The following TLE2 variants were observed in gnomAD, a reference collection of about 807,000 sequenced individuals.
TLE2 encodes the protein TLE family member 2, transcriptional corepressor, also known as transducin-like enhancer protein 2.
Under a neutral mutation model 97.2 loss-of-function variants are expected in TLE2, and 74 were observed. That is an observed-to-expected ratio of 0.76 (90% confidence interval 0.63 to 0.92). The LOEUF is 0.92. Among genes scored for constraint, TLE2 ranks in the 40% least tolerant of loss-of-function variants. The probability of loss-of-function intolerance (pLI) is 0.00; values close to 1 mark genes in which losing one functional copy is unlikely to be tolerated. For synonymous variants in TLE2, 499 were observed against 432.1 expected, an observed-to-expected ratio of 1.15 and a Z score of -1.92; for missense variants, 1,038 against 1,008.7, an observed-to-expected ratio of 1.03 and a Z score of -0.39.
At chr19:3,018,149 C>T (rs2089754987) in intron 7 of TLE2, among the ~76,000 whole-genome samples, 1 of 151,864 alleles carries the variant, frequency 6.6e-6, no homozygotes, top group Non-Finnish European at 1.5e-5. Context: ...TCACACTTTA[C>T]GAGTTGGGGT....
chr19:3,038,312 C>T (rs1469963694), intron 1 of TLE2, among the ~76,000 whole-genome samples: 5 of 152,174 alleles, frequency 3.3e-5, no homozygotes, highest in Admixed American at 3.3e-4. Context: ...GGGCTCAAGC[C>T]GTCTTCCTGC....
intron 1 of TLE2, among the ~76,000 whole-genome samples, chr19:3,038,443 G>A (rs921720623): frequency 6.6e-6 from 1 of 152,210 alleles, no homozygotes. Context: ...CAACTCCTGG[G>A]CTCAAGCAGT....
chr19:3,007,325 A>G (rs1437930597), intron 14 of TLE2, among the ~76,000 whole-genome samples: 1 of 151,664 alleles, frequency 6.6e-6, no homozygotes, highest in African/African-American at 2.4e-5. Context: ...CCTGACTTCA[A>G]ATGATCCTCC....
intron 1 of TLE2, among the ~76,000 whole-genome samples, chr19:3,036,245 G>T (rs773957511): frequency 6.6e-6 from 1 of 152,184 alleles, no homozygotes; most frequent in South Asian, 2.1e-4. Flanking sequence ...AGGAGAGCAC[G>T]GGTTTTCAGA....
intron 19 of TLE2, among the ~76,000 whole-genome samples, chr19:2,998,310 C>T (rs2089270902): frequency 7.0e-6 from 1 of 143,436 alleles, no homozygotes; most frequent in Non-Finnish European, 1.5e-5. Context: ...CAGGGTCTAA[C>T]TCTGTTGCCC....
At chr19:3,012,261 A>AAAAC (rs56656741) in intron 11 of TLE2, among the ~76,000 whole-genome samples, 34,498 of 151,848 alleles carry the variant, frequency 0.23, 3,989 homozygotes, top group Admixed American at 0.25. Flanking sequence ...TCCAAAACGA[A>AAAAC]AAACAAACAA....
intron 9 of TLE2, among the ~76,000 whole-genome samples, chr19:3,015,293 G>A (rs1302322507): frequency 6.6e-6 from 1 of 152,176 alleles, no homozygotes; most frequent in East Asian, 1.9e-4. Flanking sequence ...AATGAGAGGA[G>A]GTCCCAGCCT....
intron 10 of TLE2, 33 bp downstream of exon 10, chr19:3,014,537 G>C (rs1396540237): frequency 2.6e-6 from 4 of 1,547,508 alleles, no homozygotes; most frequent in Admixed American, 1.9e-5. Context: ...TCTGTGCCCA[G>C]AGTCGGGGAA....
intron 1 of TLE2, among the ~76,000 whole-genome samples, chr19:3,040,360 T>A (rs181826798): frequency 6.6e-6 from 1 of 152,082 alleles, no homozygotes; most frequent in Non-Finnish European, 1.5e-5. Flanking sequence ...GTTTTTTTTT[T>A]AAGACAGTCT....
At chr19:3,043,007 CA>C (rs1311391178) in intron 1 of TLE2, among the ~76,000 whole-genome samples, 4 of 152,246 alleles carry the variant, frequency 2.6e-5, no homozygotes, top group Admixed American at 1.3e-4. Flanking sequence ...TTTTTAGAGA[CA>C]GGGGTCTCAC....
In TLE2 at chr19:3,028,301, C is replaced by G. The variant is rs372061979; in HGVS notation, c.186+18G>C. 18 of 1,602,308 alleles carry G rather than the reference C, an allele frequency of 1.1e-5. No individual in the cohort carries two copies. The African/African-American group carries it at 2.3e-4, about 20-fold the overall frequency. ...CTGCCCGCCTCTCCCCTCACCCTGG[C>G]ATCATAAGTGCCCTCACCATGACAT... is the stretch of plus-strand genomic sequence containing the variant. On this transcript the variant is annotated intron_variant, in intron 3 of 19. Transcript: ENST00000262953.
intron 18 of TLE2, 52 bp downstream of exon 18, chr19:3,002,301 C>T (rs1251090888): frequency 2.9e-5 from 45 of 1,556,124 alleles, no homozygotes; most frequent in Non-Finnish European, 3.7e-5. Flanking sequence ...AATAGGCACC[C>T]TGGGTTTTGT....
intron 1 of TLE2, among the ~76,000 whole-genome samples, chr19:3,044,687 T>C (rs970271034): frequency 6.6e-6 from 1 of 152,168 alleles, no homozygotes; most frequent in Non-Finnish European, 1.5e-5. Context: ...CCCGAAGCGC[T>C]GGGATTACAG....
intron 18 of TLE2, among the ~76,000 whole-genome samples, chr19:3,001,550 A>G (rs2089359175): frequency 6.6e-6 from 1 of 152,026 alleles, no homozygotes; most frequent in Non-Finnish European, 1.5e-5. Flanking sequence ...CAGTGATGTC[A>G]TCATAGCTCC....
At chr19:3,015,827 C>G (rs1247322024) in intron 8 of TLE2, 67 bp from the exon 9 acceptor site, 1 of 1,190,008 alleles carries the variant, frequency 8.4e-7, no homozygotes, top group Admixed American at 2.0e-5. Context: ...GCATTGTGAT[C>G]CAGCCGAGAC....
At chr19:3,030,123 G>A (rs1258320316), upstream of TLE2, among the ~76,000 whole-genome samples, 2 of 152,106 alleles carry the variant, frequency 1.3e-5, no homozygotes, top group East Asian at 1.9e-4. Context: ...ATGAGATAGT[G>A]CATGAACGCT....
At position 3,037,371 on chromosome 19, in the gene TLE2, C is replaced by T. The variant is rs1688115; in HGVS notation, c.63+8355G>A. Among the ~76,000 whole-genome samples the T allele has an allele frequency of 5.2e-3, 793 of 152,306 alleles. 6 individuals are homozygous for T. The highest frequency in any genetic ancestry group is 0.018 in the African/African-American group (736 of 41,558). ...GTTTTGCAGAATGCATAGGAGTTGC[C>T]TCATTTGAGCAGTGCCTTTAGATTA... On this transcript the variant is annotated intron_variant, in intron 1 of 18. Transcript: ENST00000426948.
intron 14 of TLE2, 137 bp downstream of exon 14, chr19:3,008,732 T>G: frequency 1.8e-6 from 1 of 564,994 alleles, no homozygotes; most frequent in Non-Finnish European, 2.8e-6. Flanking sequence ...ATTACAGGAG[T>G]GAACCACTGT....
Position 3,028,386 on chromosome 19 carries a change from A to G in TLE2, c.123-4T>C. 6.2e-7 allele frequency: 1 copy of G among 1,600,684 alleles called. No individual in the cohort carries two copies. The highest frequency in any genetic ancestry group is 8.5e-7 in the Non-Finnish European group (1 of 1,173,040). On this transcript the variant is annotated splice_region_variant and splice_polypyrimidine_tract_variant and intron_variant, in intron 2 of 19. Transcript: ENST00000262953. ...CTTCTCACATTCTAGCTTGAGGCTG[A>G]GAAGAAGAGAGAGGGCAAGGGGCTC... is the stretch of plus-strand genomic sequence containing the variant.
Sources: allele counts gnomAD v4.1 joint callset (sites outside exome capture counted in the v4.1 genomes callset), GRCh38; gene constraint gnomAD v4.1.1; transcripts MANE v1.5; gene names NCBI Gene and HGNC (gene_info 2026-07-23, HGNC 2026-07-21).